The following TNR variants were observed in gnomAD, a reference collection of about 807,000 sequenced individuals.
TNR encodes the protein tenascin R, also known as tenascin-R.
A neutral mutation model predicts 150.4 loss-of-function variants in TNR; 45 were observed. The observed-to-expected ratio is 0.30, with a 90% CI of 0.24 to 0.38. The LOEUF is 0.38. Among genes scored for constraint, TNR ranks in the 10% least tolerant of loss-of-function variants. The pLI, the probability that TNR is intolerant of heterozygous loss-of-function variation, is 1.00. For missense variants in TNR, 1,544 were observed against 1,759.1 expected, an observed-to-expected ratio of 0.88 and a Z score of 2.19; for synonymous variants, 687 against 678.4, an observed-to-expected ratio of 1.01 and a Z score of -0.20.
rs1286029745 is a variant in TNR, at chr1:175,318,209, G to C, written c.*5148C>G. 3 of 152,258 alleles carry C rather than the reference G, an allele frequency of 2.0e-5. No individual in the cohort carries two copies. Among genetic ancestry groups the C allele is most frequent in the African/African-American group, 7.2e-5 (3 of 41,464 alleles). The allele number at this position is 152,258 out of a possible 1,614,324, so 9.4% of individuals were successfully genotyped here. On this transcript the variant is annotated 3_prime_UTR_variant, in exon 23 of 23. Transcript: ENST00000367674. ...AGCTCTGGTGGGAGGCTGGAGGCCA[G>C]AACGTGAGAAGCCAATGCTGCTTCC...
Position 175,688,403 on chromosome 1 carries a change from G to T in TNR, c.-165+54823C>A, listed in dbSNP as rs556867708. On this transcript the variant is annotated intron_variant, in intron 1 of 22. Transcript: ENST00000367674. ...ATGAGGCTTGCTATTCCGTTTTGTT[G>T]TGACTGCCCAGGAAATCTCTCTGCC... Among the ~76,000 whole-genome samples, 28 of 152,340 alleles carry T rather than the reference G, an allele frequency of 1.8e-4. No homozygotes were observed. In the South Asian group the frequency reaches 3.9e-3, roughly 21 times the overall value.
intron 1 of TNR, among the ~76,000 whole-genome samples, chr1:175,654,768 C>T (rs567216784): frequency 2.9e-4 from 42 of 146,266 alleles, no homozygotes; most frequent in African/African-American, 1.0e-3. Flanking sequence ...GCTCTGCCGC[C>T]CAGGCAGTGG....
chr1:175,434,321 T>C lies in TNR; in HGVS notation c.-63-27544A>G, dbSNP rs1253067963. On this transcript the variant is annotated intron_variant, in intron 2 of 22. Transcript: ENST00000367674. ...AACACAATTCCTTCCCTGGGCCTGA[T>C]AATGGATCACCTCTTGCCTGAATTG... is the stretch of plus-strand genomic sequence containing the variant. 2.6e-5 allele frequency among the ~76,000 whole-genome samples: 4 copies of C among 152,180 alleles called. No homozygotes were observed. In the East Asian group the frequency reaches 7.7e-4, roughly 29 times the overall value.
chr1:175,696,217 GTTTTTTTTTTTTTTT>G (rs5778870), intron 1 of TNR, among the ~76,000 whole-genome samples: 1 of 40,460 alleles, frequency 2.5e-5, no homozygotes, highest in African/African-American at 7.6e-5. Flanking sequence ...CCTTCCTGTA[GTTTTTTTTTTTTTTT>G]TTTTTTTTTT....
At chr1:175,634,842 T>G (rs1664446684) in intron 1 of TNR, among the ~76,000 whole-genome samples, 1 of 152,148 alleles carries the variant, frequency 6.6e-6, no homozygotes, top group African/African-American at 2.4e-5. Flanking sequence ...ACATTATAAT[T>G]TATACAGTGC....
intron 9 of TNR, among the ~76,000 whole-genome samples, chr1:175,378,137 G>C (rs888302740): frequency 4.6e-5 from 7 of 152,196 alleles, no homozygotes; most frequent in African/African-American, 1.7e-4. Context: ...GCCCTTCTCT[G>C]TACAATCCAG....
intron 19 of TNR, among the ~76,000 whole-genome samples, chr1:175,336,476 G>C (rs1349738666): frequency 2.0e-5 from 3 of 152,238 alleles, no homozygotes; most frequent in Non-Finnish European, 4.4e-5. Context: ...CAGAGCGAGA[G>C]AGGGCATCCA....
chr1:175,335,664 A>G, intron 20 of TNR, 47 bp downstream of exon 20: 1 of 1,565,528 alleles, frequency 6.4e-7, no homozygotes, highest in Non-Finnish European at 8.7e-7. Context: ...AGAGATGGAC[A>G]AAAAGCCAGA....
At chr1:175,517,012 TGAGAGAGAGAGAGAGAGAGA>T (rs58416273) in intron 2 of TNR, among the ~76,000 whole-genome samples, 1,473 of 120,466 alleles carry the variant, frequency 0.012, 33 homozygotes, top group African/African-American at 0.043. Flanking sequence ...ATCTGAAAGC[TGAGAGAGAGAGAGAGAGAGA>T]GAGAGAGAGA....
intron 1 of TNR, among the ~76,000 whole-genome samples, chr1:175,706,496 T>C (rs1666845118): frequency 6.6e-6 from 1 of 152,140 alleles, no homozygotes; most frequent in African/African-American, 2.4e-5. Flanking sequence ...CAAGGTCTCA[T>C]CTGGCCACGT....
chr1:175,613,850 G>T (rs1036064360), intron 1 of TNR, among the ~76,000 whole-genome samples: 1 of 152,116 alleles, frequency 6.6e-6, no homozygotes, highest in African/African-American at 2.4e-5. Flanking sequence ...ACATGATGCC[G>T]TCTGTGCTCA....
intron 1 of TNR, among the ~76,000 whole-genome samples, chr1:175,621,161 G>A (rs1385823821): frequency 6.6e-6 from 1 of 152,166 alleles, no homozygotes; most frequent in Non-Finnish European, 1.5e-5. Flanking sequence ...CACATGGCAG[G>A]CACTCAACAT....
chr1:175,473,914 C>T (rs559095523), intron 2 of TNR, among the ~76,000 whole-genome samples: 1 of 152,146 alleles, frequency 6.6e-6, no homozygotes. Flanking sequence ...GATTCATGGC[C>T]GCCTGTATGC....
chr1:175,625,874 C>A (rs1027974367), intron 1 of TNR, among the ~76,000 whole-genome samples: 2 of 152,278 alleles, frequency 1.3e-5, no homozygotes, highest in Admixed American at 6.5e-5. Flanking sequence ...CAAACAAGGA[C>A]AAGATGCTCC....
At chr1:175,724,784 G>A (rs1003154128) in intron 1 of TNR, among the ~76,000 whole-genome samples, 1 of 152,176 alleles carries the variant, frequency 6.6e-6, no homozygotes, top group Non-Finnish European at 1.5e-5. Flanking sequence ...TGGGGAGCCA[G>A]GGATGGCTTC....
intron 18 of TNR, among the ~76,000 whole-genome samples, chr1:175,340,755 T>C (rs967697491): frequency 2.0e-5 from 3 of 152,190 alleles, no homozygotes; most frequent in African/African-American, 7.2e-5. Flanking sequence ...AGAAGTGGAA[T>C]TGGTAAACTA....
intron 2 of TNR, among the ~76,000 whole-genome samples, chr1:175,416,737 G>A (rs567088377): frequency 2.6e-5 from 4 of 152,258 alleles, no homozygotes; most frequent in South Asian, 2.1e-4. Context: ...GGCCGGGTGC[G>A]GTGGCTCACG....
At chr1:175,398,557 T>C (rs941219078) in intron 4 of TNR, among the ~76,000 whole-genome samples, 2 of 152,176 alleles carry the variant, frequency 1.3e-5, no homozygotes, top group African/African-American at 4.8e-5. Context: ...CCTGTCAGGA[T>C]TTTGCATGAT....
At chr1:175,657,063 G>C (rs1007365746) in intron 1 of TNR, among the ~76,000 whole-genome samples, 1 of 152,142 alleles carries the variant, frequency 6.6e-6, no homozygotes, top group African/African-American at 2.4e-5. Context: ...TAATGGAAGA[G>C]ATGCAATGAT....
Sources: allele counts gnomAD v4.1 joint callset (sites outside exome capture counted in the v4.1 genomes callset), GRCh38; gene constraint gnomAD v4.1.1; transcripts MANE v1.5; gene names NCBI Gene and HGNC (gene_info 2026-07-23, HGNC 2026-07-21).